The following PLD5 variants were observed in gnomAD, a reference collection of about 807,000 sequenced individuals.
PLD5 encodes the protein inactive phospholipase D5.
A neutral mutation model predicts 61.1 loss-of-function variants in PLD5; 36 were observed. The observed-to-expected ratio is 0.59, with a 90% CI of 0.45 to 0.78. The LOEUF (loss-of-function observed/expected upper bound fraction) is 0.78. PLD5 is among the 30% of genes least tolerant of loss of function. The pLI is 0.00. For missense variants in PLD5, 515 were observed against 644.4 expected (o/e 0.80, Z 2.17); for synonymous variants, 243 against 242.8 (o/e 1.00, Z -0.01).
rs60423113 is a variant in PLD5 at position 242,151,033 on chromosome 1, C to T, written c.736-26368G>A. Among the ~76,000 whole-genome samples, 1,337 of 151,760 alleles carry T rather than the reference C, an allele frequency of 8.8e-3. 23 individuals carry two copies. Among genetic ancestry groups the T allele is most frequent in the African/African-American group, 0.03 (1,252 of 41,440 alleles). On this transcript the variant is annotated intron_variant, in intron 5 of 9. Transcript: ENST00000536534. ...ATAGATTTTTAATTAATCAGAGTCC[C>T]TTCAAATAATACATACCACTTTATA...
rs1558314475 is a variant in PLD5, at chr1:242,182,318, A to T, written c.735+37670T>A. Among the ~76,000 whole-genome samples, 8 of 151,936 alleles carry T rather than the reference A, an allele frequency of 5.3e-5. No individual in the cohort carries two copies. In the South Asian group the frequency reaches 6.3e-4, roughly 12 times the overall value. On this transcript the variant is annotated intron_variant, in intron 5 of 9. Transcript: ENST00000536534. ...TGGGTATCCCTAAGACACCAAAGAA[A>T]TTTTTTTTTAGTTTCTCCAGAGGCA...
chr1:242,106,168 G>T (rs1661040503), intron 8 of PLD5, among the ~76,000 whole-genome samples: 1 of 152,174 alleles, frequency 6.6e-6, no homozygotes, highest in African/African-American at 2.4e-5. Context: ...TTTTCCTTGT[G>T]CGTATCCTGT....
intron 2 of PLD5, chr1:242,345,717 A>G (rs1660091692): frequency 1.4e-6 from 1 of 700,880 alleles, no homozygotes; most frequent in African/African-American, 1.8e-5. Flanking sequence ...CTTGTGGAAG[A>G]TCAAATCAAA....
intron 5 of PLD5, among the ~76,000 whole-genome samples, chr1:242,169,712 CTG>C (rs61335602): frequency 0.059 from 8,954 of 152,224 alleles, 893 homozygotes; most frequent in African/African-American, 0.2. Context: ...CAGCAGCAGT[CTG>C]AGATCAACCT....
intron 2 of PLD5, among the ~76,000 whole-genome samples, chr1:242,321,261 GAAAAAAA>G (rs1227579318): frequency 6.7e-6 from 1 of 149,106 alleles, no homozygotes; most frequent in Non-Finnish European, 1.5e-5. Context: ...GGTTTAAGAA[GAAAAAAA>G]GCATTTACCA....
At chr1:242,267,832 G>C (rs1299609370) in intron 3 of PLD5, among the ~76,000 whole-genome samples, 2 of 148,218 alleles carry the variant, frequency 1.3e-5, no homozygotes, top group African/African-American at 2.5e-5. Flanking sequence ...AGTGAGCCAT[G>C]ATTGTGCCAC....
At chr1:242,116,208 C>G (rs1661933818) in intron 6 of PLD5, among the ~76,000 whole-genome samples, 2 of 152,118 alleles carry the variant, frequency 1.3e-5, no homozygotes, top group Admixed American at 1.3e-4. Context: ...TGGAACAACT[C>G]CCTACACTGC....
At chr1:242,373,593 A>G (rs1661775683) in intron 1 of PLD5, among the ~76,000 whole-genome samples, 1 of 152,212 alleles carries the variant, frequency 6.6e-6, no homozygotes, top group South Asian at 2.1e-4. Context: ...AACGTGGCAC[A>G]TATACACCAT....
chr1:242,220,157 C>A (rs747819285), intron 4 of PLD5, 42 bp from the exon 5 acceptor site: 2 of 1,604,694 alleles, frequency 1.2e-6, no homozygotes, highest in Admixed American at 3.3e-5. Context: ...TGCGTCAAGG[C>A]CCTGCCTGGG....
upstream of PLD5, among the ~76,000 whole-genome samples, chr1:242,527,327 G>C (rs1437866643): frequency 6.6e-6 from 1 of 151,642 alleles, no homozygotes; most frequent in Admixed American, 6.6e-5. Flanking sequence ...GTAAAGGCAG[G>C]GTTTCACCAT....
chr1:242,207,134 A>G (rs1194967388), intron 5 of PLD5, among the ~76,000 whole-genome samples: 1 of 152,170 alleles, frequency 6.6e-6, no homozygotes. Context: ...ACTGATGTCA[A>G]TGTGAATCAC....
At chr1:242,455,355 TAATTTATCTTCTACGCCCC>T (rs1666912273) in intron 1 of PLD5, among the ~76,000 whole-genome samples, 1 of 152,224 alleles carries the variant, frequency 6.6e-6, no homozygotes, top group Non-Finnish European at 1.5e-5. Flanking sequence ...AAGCAACCTG[TAATTTATCTTCTACGCCCC>T]AATTTTTTTG....
intron 5 of PLD5, among the ~76,000 whole-genome samples, chr1:242,209,564 A>T (rs1232116262): frequency 6.6e-6 from 1 of 152,152 alleles, no homozygotes; most frequent in African/African-American, 2.4e-5. Context: ...GTTATCTTTG[A>T]TGTTACTATG....
chr1:242,364,776 A>T (rs1661251283), intron 1 of PLD5, among the ~76,000 whole-genome samples: 1 of 152,186 alleles, frequency 6.6e-6, no homozygotes, highest in African/African-American at 2.4e-5. Context: ...TTAAGTGATA[A>T]ATGTATACTT....
At chr1:242,404,458 C>A (rs755077932) in intron 1 of PLD5, among the ~76,000 whole-genome samples, 4 of 152,024 alleles carry the variant, frequency 2.6e-5, no homozygotes, top group Non-Finnish European at 4.4e-5. Context: ...ACATTAACTA[C>A]GAGCGTTTCT....
At chr1:242,270,584 C>T (rs190050842) in intron 3 of PLD5, among the ~76,000 whole-genome samples, 6 of 152,158 alleles carry the variant, frequency 3.9e-5, no homozygotes, top group African/African-American at 1.2e-4. Flanking sequence ...TTCCCAGCTA[C>T]GGTCTAATAG....
chr1:242,090,771 A>G (rs936289885), intron 9 of PLD5, among the ~76,000 whole-genome samples: 1 of 152,160 alleles, frequency 6.6e-6, no homozygotes, highest in Non-Finnish European at 1.5e-5. Flanking sequence ...ACAGAAATGT[A>G]TTGTCTCACG....
At chr1:242,118,153 T>C (rs1435951) in intron 6 of PLD5, among the ~76,000 whole-genome samples, 14,366 of 152,188 alleles carry the variant, frequency 0.094, 1,101 homozygotes, top group East Asian at 0.33. Context: ...TGGGCTTTGG[T>C]GATACAGGCC....
intron 4 of PLD5, among the ~76,000 whole-genome samples, chr1:242,254,407 C>T (rs907163797): frequency 1.1e-4 from 16 of 151,552 alleles, no homozygotes; most frequent in Middle Eastern, 3.5e-3. Context: ...TGGTGGCTCA[C>T]GCCTGTAATC....
Sources: allele counts gnomAD v4.1 joint callset (sites outside exome capture counted in the v4.1 genomes callset), GRCh38; gene constraint gnomAD v4.1.1; transcripts MANE v1.5; gene names NCBI Gene and HGNC (gene_info 2026-07-23, HGNC 2026-07-21).